Variants in CAMK4 observed in about 807,000 individuals in gnomAD.
CAMK4 encodes the protein calcium/calmodulin-dependent protein kinase type IV.
A neutral mutation model predicts 44.9 loss-of-function variants in CAMK4; 22 were observed. The observed-to-expected ratio is 0.49, with a 90% confidence interval of 0.35 to 0.70. The LOEUF (loss-of-function observed/expected upper bound fraction) is 0.70, where lower values mean the gene tolerates loss of function less well. Ranked by LOEUF, CAMK4 falls within the 30% of genes least tolerant of loss-of-function variation. The probability of loss-of-function intolerance (pLI) is 0.01; values close to 1 mark genes in which losing one functional copy is unlikely to be tolerated. For missense variants in CAMK4, 498 were observed against 586.8 expected, an observed-to-expected ratio of 0.85 and a Z score of 1.56; for synonymous variants, 218 against 215.4, an observed-to-expected ratio of 1.01 and a Z score of -0.11.
At chr5:111,346,775 C>T (rs945229066) in intron 2 of CAMK4, among the ~76,000 whole-genome samples, 7 of 151,850 alleles carry the variant, frequency 4.6e-5, no homozygotes, top group Admixed American at 2.6e-4. Context: ...CTAATATCTG[C>T]CTCCAATTGT....
At chr5:111,320,139 A>G (rs1748598743) in intron 1 of CAMK4, among the ~76,000 whole-genome samples, 1 of 152,192 alleles carries the variant, frequency 6.6e-6, no homozygotes, top group Non-Finnish European at 1.5e-5. Context: ...AGCATGCTCA[A>G]CTCAGTGAAT....
intron 1 of CAMK4, among the ~76,000 whole-genome samples, chr5:111,337,375 T>G (rs779332152): frequency 3.3e-5 from 5 of 151,192 alleles, no homozygotes; most frequent in Non-Finnish European, 7.4e-5. Flanking sequence ...TACCTAGAAG[T>G]GACATACATA....
At chr5:111,442,698 A>G (rs1034392842) in intron 5 of CAMK4, among the ~76,000 whole-genome samples, 1 of 149,074 alleles carries the variant, frequency 6.7e-6, no homozygotes, top group African/African-American at 2.4e-5. Flanking sequence ...GCACTCTACT[A>G]ATTTTTTGTT....
chr5:111,486,776 A>G lies in CAMK4; in HGVS notation c.*2310A>G, dbSNP rs532617370. ...GTGTATTTTAGAATTTACTCATTTA[A>G]ATGAGTGCATATTACCATTCCTCCA... On this transcript the variant is annotated 3_prime_UTR_variant, in exon 11 of 11. Transcript: ENST00000282356. 1.4e-4 allele frequency: 22 copies of G among 152,278 alleles called. No individual in the cohort carries two copies. Among genetic ancestry groups the G allele is most frequent in the Middle Eastern group, 6.8e-3 (2 of 294 alleles). 9.4% of individuals were successfully genotyped at this position (152,278 alleles called of 1,614,324 possible). A position where few individuals can be genotyped will look rare whatever the true frequency, so the allele number is the denominator to read the frequency against.
chr5:111,414,983 G>A (rs531761235), intron 5 of CAMK4, among the ~76,000 whole-genome samples: 37 of 152,230 alleles, frequency 2.4e-4, no homozygotes, highest in African/African-American at 8.4e-4. Context: ...TAAAGTAATT[G>A]TAAAATTCAT....
chr5:111,369,131 G>A (rs1580661806), intron 2 of CAMK4, among the ~76,000 whole-genome samples: 1 of 151,388 alleles, frequency 6.6e-6, no homozygotes, highest in South Asian at 2.1e-4. Flanking sequence ...AGTGGCACAA[G>A]CTCAGCTCAC....
At chr5:111,421,494 C>T (rs1219008764) in intron 5 of CAMK4, among the ~76,000 whole-genome samples, 1 of 152,188 alleles carries the variant, frequency 6.6e-6, no homozygotes, top group African/African-American at 2.4e-5. Flanking sequence ...GTAGGAGGCT[C>T]AAAAACTCTA....
chr5:111,313,348 G>A (rs1317601516), intron 1 of CAMK4, among the ~76,000 whole-genome samples: 1 of 152,102 alleles, frequency 6.6e-6, no homozygotes, highest in African/African-American at 2.4e-5. Flanking sequence ...TAAAACTTGA[G>A]ATGTTTTTTC....
intron 7 of CAMK4, among the ~76,000 whole-genome samples, chr5:111,470,885 G>A (rs556112696): frequency 1.6e-4 from 24 of 152,306 alleles, no homozygotes; most frequent in African/African-American, 5.8e-4. Flanking sequence ...TCTCAAAACA[G>A]TCTCATATGA....
rs143877837 is a variant in CAMK4 at position 111,262,456 on chromosome 5, G to C, written c.161+37812G>C. On this transcript the variant is annotated intron_variant, in intron 1 of 10. Transcript: ENST00000282356. The stretch of plus-strand genomic sequence containing the variant: ...AGGTTCTTGAGAAAGACATTCCTGG[G>C]TTGTAGAATATTTATGTCTTAAAGT... Among the ~76,000 whole-genome samples the C allele has an allele frequency of 3.7e-3, 568 of 152,276 alleles. 3 individuals carry two copies. The highest frequency in any genetic ancestry group is 0.013 in the African/African-American group (556 of 41,556).
At chr5:111,325,907 T>C (rs1748866875) in intron 1 of CAMK4, among the ~76,000 whole-genome samples, 1 of 152,084 alleles carries the variant, frequency 6.6e-6, no homozygotes, top group Non-Finnish European at 1.5e-5. Context: ...GTAAATATTT[T>C]CAACTAAATG....
chr5:111,272,758 C>A (rs1186121143), intron 1 of CAMK4, among the ~76,000 whole-genome samples: 2 of 152,088 alleles, frequency 1.3e-5, no homozygotes, highest in Non-Finnish European at 2.9e-5. Flanking sequence ...GGAGGGAGCA[C>A]CAATATTTCT....
At chr5:111,413,536 C>T (rs907426152) in intron 5 of CAMK4, among the ~76,000 whole-genome samples, 6 of 150,942 alleles carry the variant, frequency 4.0e-5, no homozygotes, top group African/African-American at 9.8e-5. Flanking sequence ...AAGATCGTGC[C>T]ACTGCACTGC....
At chr5:111,379,000 C>CTA (rs34027623) in intron 4 of CAMK4, among the ~76,000 whole-genome samples, 1 of 2,804 alleles carries the variant, frequency 3.6e-4, no homozygotes, top group Non-Finnish European at 1.1e-3. Flanking sequence ...CTTTAGCTGA[C>CTA]TTTTTTATGG....
At chr5:111,408,724 A>C (rs1476643485) in intron 5 of CAMK4, among the ~76,000 whole-genome samples, 2 of 152,186 alleles carry the variant, frequency 1.3e-5, no homozygotes, top group African/African-American at 4.8e-5. Flanking sequence ...TGAGGCTATA[A>C]AATCAAAAGC....
At chr5:111,337,130 A>T (rs987169874) in intron 1 of CAMK4, among the ~76,000 whole-genome samples, 1 of 151,094 alleles carries the variant, frequency 6.6e-6, no homozygotes, top group African/African-American at 2.4e-5. Flanking sequence ...TCCCTCTCCA[A>T]CCTGTGAGAG....
chr5:111,418,373 G>A (rs766516394), intron 5 of CAMK4, among the ~76,000 whole-genome samples: 4 of 152,094 alleles, frequency 2.6e-5, no homozygotes, highest in African/African-American at 9.7e-5. Context: ...ACCACAGGAT[G>A]GGGTGAAATT....
intron 7 of CAMK4, among the ~76,000 whole-genome samples, chr5:111,454,896 T>C (rs759564371): frequency 6.6e-6 from 1 of 152,198 alleles, no homozygotes; most frequent in Admixed American, 6.5e-5. Context: ...ATTATCTAAT[T>C]TATTCATAAG....
At chr5:111,311,847 TC>T (rs1467511545) in intron 1 of CAMK4, among the ~76,000 whole-genome samples, 1 of 152,196 alleles carries the variant, frequency 6.6e-6, no homozygotes, top group Non-Finnish European at 1.5e-5. Context: ...TTGTCAGTCT[TC>T]CTAATCTTCG....
Sources: gnomAD v4.1 joint callset for allele counts (sites outside exome capture counted in the v4.1 genomes callset) on GRCh38, gnomAD v4.1.1 for gene constraint, MANE v1.5 for transcripts, NCBI Gene and HGNC (gene_info 2026-07-23, HGNC 2026-07-21) for gene names.